ABCB7: variants seen among roughly 807,000 people sequenced by gnomAD.
The protein encoded by ABCB7 is ATP binding cassette subfamily B member 7.
A neutral mutation model predicts 54.4 loss-of-function variants in ABCB7; 7 were observed. The ratio of observed to expected loss-of-function variants is 0.13; its 90% CI spans 0.07 to 0.24. ABCB7 has a LOEUF of 0.24. Ranked by LOEUF, ABCB7 falls within the 10% of genes least tolerant of loss-of-function variation. The pLI is 1.00. For missense variants in ABCB7, 356 were observed against 570.4 expected (o/e 0.62, Z 3.83); for synonymous variants, 218 against 207.1 (o/e 1.05, Z -0.45).
intron 1 of ABCB7, among the ~76,000 whole-genome samples, chrX:75,128,182 C>T (rs757881493): frequency 5.2e-4 from 58 of 111,142 alleles, no homozygotes; most frequent in Non-Finnish European, 9.8e-4. Context: ...GGCATCACAC[C>T]ACCTGACTTC....
At chrX:75,075,332 A>C (rs1367934320) in intron 6 of ABCB7, 30 bp downstream of exon 6, 1 of 1,196,985 alleles carries the variant, frequency 8.4e-7, no homozygotes, top group Non-Finnish European at 1.1e-6. Flanking sequence ...ATTTAAGATA[A>C]AAGCTTGTTA....
chrX:75,115,027 T>G (rs1394715828), intron 1 of ABCB7, among the ~76,000 whole-genome samples, 196 bp from the exon 2 acceptor site: 1 of 110,760 alleles, frequency 9.0e-6, no homozygotes, highest in Non-Finnish European at 1.9e-5. Context: ...CCTGGCACTT[T>G]GGGAGGCTAA....
At chrX:75,053,651 C>T (rs1281128911) in intron 15 of ABCB7, 66 bp from the exon 16 acceptor site, 2 of 1,147,410 alleles carry the variant, frequency 1.7e-6, no homozygotes, top group Non-Finnish European at 2.3e-6. Flanking sequence ...CTGAAAATAC[C>T]AAATACTTTC....
chrX:75,154,371 T>C (rs1392439896), intron 1 of ABCB7, among the ~76,000 whole-genome samples: 1 of 112,229 alleles, frequency 8.9e-6, no homozygotes, highest in Non-Finnish European at 1.9e-5. Flanking sequence ...TCTTAAGATA[T>C]CTAATTTTAT....
At chrX:75,077,857 A>G (rs887363552) in intron 4 of ABCB7, among the ~76,000 whole-genome samples, 3 of 110,521 alleles carry the variant, frequency 2.7e-5, no homozygotes, top group Non-Finnish European at 3.8e-5. Context: ...AAATAGCATA[A>G]ATTTCTCAAA....
chrX:75,069,501 T>G lies in ABCB7; in HGVS notation c.1366-47A>C, dbSNP rs570973939. ...AAGCCACTTTACGCACTGCCTAGAG[T>G]ACAGCTACGAAGACAATTTTCTAAT... On this transcript the variant is annotated intron_variant, in intron 10 of 15. Transcript: ENST00000373394. 4 of 1,140,961 alleles carry G rather than the reference T, an allele frequency of 3.5e-6. No homozygotes were observed. In the South Asian group the frequency reaches 5.6e-5, roughly 16 times the overall value. The allele number at this position is 1,140,961 out of a possible 1,213,427, so 94.0% of individuals were successfully genotyped here.
chrX:75,104,396 C>T (rs752230702), intron 3 of ABCB7, among the ~76,000 whole-genome samples: 5 of 109,052 alleles, frequency 4.6e-5, no homozygotes, highest in Non-Finnish European at 9.6e-5. Context: ...AAAATATCAT[C>T]GGAGACTACT....
intron 1 of ABCB7, among the ~76,000 whole-genome samples, chrX:75,148,665 A>C (rs762350110): frequency 1.8e-5 from 2 of 111,603 alleles, no homozygotes; most frequent in East Asian, 5.7e-4. Context: ...TAAGAAGAGG[A>C]TATCAGGACA....
At chrX:75,093,904 T>A (rs2081564241) in intron 4 of ABCB7, among the ~76,000 whole-genome samples, 1 of 107,235 alleles carries the variant, frequency 9.3e-6, no homozygotes, top group African/African-American at 3.4e-5. Flanking sequence ...GTTACAAATG[T>A]CAAAATAGTT....
intron 3 of ABCB7, among the ~76,000 whole-genome samples, chrX:75,104,158 T>A (rs1332893228): frequency 2.0e-5 from 2 of 101,046 alleles, no homozygotes; most frequent in Admixed American, 2.3e-4. Context: ...GCATTTATTA[T>A]GTTGAGTTTT....
intron 12 of ABCB7, among the ~76,000 whole-genome samples, chrX:75,067,197 C>G (rs1182549722): frequency 3.6e-5 from 4 of 111,818 alleles, no homozygotes; most frequent in African/African-American, 1.3e-4. Context: ...TTAGGAATTT[C>G]AAAATCCTTA....
At chrX:75,080,775 G>A (rs1024441615) in intron 4 of ABCB7, among the ~76,000 whole-genome samples, 10 of 111,769 alleles carry the variant, frequency 8.9e-5, no homozygotes, top group South Asian at 3.7e-4. Flanking sequence ...AATCTATATC[G>A]TCTCTTTGGT....
intron 4 of ABCB7, among the ~76,000 whole-genome samples, chrX:75,096,034 A>G (rs185161865): frequency 3.2e-4 from 36 of 112,009 alleles, no homozygotes; most frequent in Non-Finnish European, 5.5e-4. Flanking sequence ...GTTCTCTTCA[A>G]TTAAAAAGAA....
intron 4 of ABCB7, among the ~76,000 whole-genome samples, chrX:75,077,730 A>G (rs993739356): frequency 9.0e-6 from 1 of 111,490 alleles, no homozygotes; most frequent in Non-Finnish European, 1.9e-5. Flanking sequence ...GTATTCGACA[A>G]TATCATTAAA....
Position 75,070,538 on chromosome X carries a change from A to T in ABCB7, c.1208-16T>A. On this transcript the variant is annotated splice_polypyrimidine_tract_variant and intron_variant, in intron 9 of 15. Transcript: ENST00000373394. ...GTAAGGGTACCTTAAAAGGCAGAAG[A>T]AAAAAAGGGTATTTTAGATAAATGT... 1 of 1,199,165 alleles carries T rather than the reference A, an allele frequency of 8.3e-7. No homozygotes were observed.
chrX:75,065,564 C>T (rs779319085), intron 12 of ABCB7, among the ~76,000 whole-genome samples: 1 of 111,435 alleles, frequency 9.0e-6, no homozygotes, highest in Non-Finnish European at 1.9e-5. Context: ...AGAGATTGTC[C>T]ATGTCAATAA....
Position 75,129,708 on chromosome X carries a change from A to G in ABCB7, c.169-14877T>C, listed in dbSNP as rs183652414. On this transcript the variant is annotated intron_variant, in intron 1 of 15. Coordinates refer to ENST00000373394, the MANE Select transcript of ABCB7 (RefSeq NM_001271696.3). ...CTAAAGATGCTTAGTCCAGAACAGT[A>G]TAGAGGGTTCGCTGAAGGCCAGGGT... Among the ~76,000 whole-genome samples the G allele has an allele frequency of 4.6e-4, 50 of 109,534 alleles. No homozygotes were observed. The East Asian group carries it at 8.0e-3, about 17-fold the overall frequency.
At chrX:75,056,026 C>A (rs746910499) in intron 15 of ABCB7, among the ~76,000 whole-genome samples, 1 of 111,331 alleles carries the variant, frequency 9.0e-6, no homozygotes, top group South Asian at 3.8e-4. Context: ...GATAATACAT[C>A]TTCAGTGCAT....
chrX:75,059,647 C>A (rs933623052), intron 15 of ABCB7, among the ~76,000 whole-genome samples: 5 of 110,774 alleles, frequency 4.5e-5, no homozygotes, highest in African/African-American at 1.6e-4. Context: ...AAAATTATTG[C>A]AATTTTCAAA....
Sources: gnomAD v4.1 joint callset for allele counts (sites outside exome capture counted in the v4.1 genomes callset) on GRCh38, gnomAD v4.1.1 for gene constraint, MANE v1.5 for transcripts, NCBI Gene and HGNC (gene_info 2026-07-23, HGNC 2026-07-21) for gene names.